The following MLPH variants were observed in gnomAD, a reference collection of about 807,000 sequenced individuals.
MLPH encodes the protein exophilin-3.
Under a neutral mutation model 72.1 loss-of-function variants are expected in MLPH, and 51 were observed. The ratio of observed to expected loss-of-function variants is 0.71; its 90% CI spans 0.56 to 0.89. MLPH has a LOEUF of 0.89. Among genes scored for constraint, MLPH ranks in the 40% least tolerant of loss-of-function variants. The pLI is 0.00. For missense variants in MLPH, 743 were observed against 759.9 expected (o/e 0.98, Z 0.26); for synonymous variants, 301 against 310.1 (o/e 0.97, Z 0.31).
intron 15 of MLPH, 130 bp downstream of exon 15, chr2:237,552,567 A>G: frequency 1.3e-6 from 1 of 767,238 alleles, no homozygotes. Flanking sequence ...CTGAGAATCA[A>G]AGCAAAAAGT....
chr2:237,534,127 C>A (rs573026161), intron 8 of MLPH, among the ~76,000 whole-genome samples: 2 of 152,292 alleles, frequency 1.3e-5, no homozygotes, highest in Admixed American at 1.3e-4. Context: ...ACCTGAAGTG[C>A]CTTGCCTCCT....
rs2079756784 is a variant in MLPH, at chr2:237,505,827, C to G, written c.111-4747C>G. ...GCCCCCTTGGCTCTGTTCTGCCCCACCAGTCACAGCTCTGGCATGCGTGTC... is the reference window on the plus strand; with the variant it reads ...GCCCCCTTGGCTCTGTTCTGCCCCAGCAGTCACAGCTCTGGCATGCGTGTC... On this transcript the variant is annotated intron_variant, in intron 2 of 15. Coordinates refer to ENST00000264605, the MANE Select transcript of MLPH (RefSeq NM_024101.7). The surrounding 1 kb of genome is among the most constrained non-coding windows in gnomAD (Gnocchi z 4.5). Among the ~76,000 whole-genome samples the G allele has an allele frequency of 1.3e-5, 2 of 152,224 alleles. No individual in the cohort carries two copies. The highest frequency in any genetic ancestry group is 4.8e-5 in the African/African-American group (2 of 41,450).
intron 9 of MLPH, among the ~76,000 whole-genome samples, chr2:237,535,005 G>A (rs964621554): frequency 1.3e-5 from 2 of 152,320 alleles, no homozygotes; most frequent in East Asian, 1.9e-4. Context: ...ATCTCCTTCC[G>A]CACCATGTTT....
chr2:237,510,941 T>C lies in MLPH; in HGVS notation c.333-48T>C, dbSNP rs762043474. The C allele has an allele frequency of 1.4e-5, 21 of 1,554,490 alleles. No homozygotes were observed. Among genetic ancestry groups the C allele is most frequent in the Admixed American group, 8.4e-5 (5 of 59,864 alleles). The stretch of plus-strand genomic sequence containing the variant: ...TGTGTGTGTGAGATTTATGCAGGCC[T>C]GTGTACAGCACTCAGGCAGTGCCAT... On this transcript the variant is annotated intron_variant, in intron 3 of 15. Transcript: ENST00000264605. This position sits in a 1 kb window ranked among gnomAD's most constrained non-coding sequence, Gnocchi z 4.4.
chr2:237,545,977 C>T (rs1267212438), intron 12 of MLPH, among the ~76,000 whole-genome samples: 1 of 152,120 alleles, frequency 6.6e-6, no homozygotes, highest in Non-Finnish European at 1.5e-5. Flanking sequence ...CTCAGAAAGT[C>T]CTAAAACTTG....
At chr2:237,545,808 A>G (rs536944502) in intron 12 of MLPH, 2 of 281,948 alleles carry the variant, frequency 7.1e-6, no homozygotes, top group African/African-American at 4.9e-5. Flanking sequence ...ATTTCAGATC[A>G]ACAACTAATA....
rs763926295 is a variant in MLPH at position 237,525,558 on chromosome 2, C to T, written c.676-43C>T. ...CCCACATTCCAGGCAGCGGCCCCTC[C>T]TAGTAAACCCTGCAGAGGAGGCTGA... On this transcript the variant is annotated intron_variant, in intron 6 of 15. Transcript: ENST00000264605. The T allele has an allele frequency of 2.5e-6, 4 of 1,602,408 alleles. No individual in the cohort carries two copies. The South Asian group carries it at 4.4e-5, about 18-fold the overall frequency.
At chr2:237,492,068 C>T (rs1460930159) in intron 1 of MLPH, among the ~76,000 whole-genome samples, 1 of 152,202 alleles carries the variant, frequency 6.6e-6, no homozygotes, top group East Asian at 1.9e-4. Context: ...TGGGTTGGAG[C>T]CTGAGAGTCT....
intron 8 of MLPH, among the ~76,000 whole-genome samples, chr2:237,533,397 T>C (rs563619731): frequency 0.014 from 2,010 of 143,180 alleles, 17 homozygotes; most frequent in Middle Eastern, 0.028. Context: ...TTTCTTTTTT[T>C]TTTTTTTTTT....
At chr2:237,533,575 T>C (rs1242479300) in intron 8 of MLPH, among the ~76,000 whole-genome samples, 1 of 152,092 alleles carries the variant, frequency 6.6e-6, no homozygotes, top group East Asian at 1.9e-4. Context: ...TGTATTTTAG[T>C]AGAGATGGCG....
At chr2:237,513,433 C>A (rs1247819931) in intron 4 of MLPH, among the ~76,000 whole-genome samples, 1 of 152,206 alleles carries the variant, frequency 6.6e-6, no homozygotes, top group African/African-American at 2.4e-5. Context: ...ACAGTGCAGA[C>A]CTCGCCTGAC....
At chr2:237,545,782 GC>G in intron 12 of MLPH, 1 of 504,840 alleles carries the variant, frequency 2.0e-6, no homozygotes, top group Non-Finnish European at 2.9e-6. Flanking sequence ...AATACAGGAT[GC>G]CCAGTTAGCT....
At chr2:237,537,487 T>A (rs1280173938) in intron 9 of MLPH, 1 of 152,176 alleles carries the variant, frequency 6.6e-6, no homozygotes, top group Non-Finnish European at 1.5e-5. Context: ...TCAGGCCCAA[T>A]GGCGTTTACA....
intron 9 of MLPH, among the ~76,000 whole-genome samples, chr2:237,539,687 T>C (rs2080625002): frequency 6.6e-6 from 1 of 152,134 alleles, no homozygotes; most frequent in Admixed American, 6.5e-5. Flanking sequence ...TTACAGAGAT[T>C]ATTGAACTGA....
intron 1 of MLPH, among the ~76,000 whole-genome samples, chr2:237,492,461 C>CT (rs1378912754): frequency 5.4e-5 from 7 of 129,024 alleles, no homozygotes; most frequent in South Asian, 5.1e-4. Context: ...GAACTCGTCT[C>CT]TAAAAAAAAA....
At chr2:237,524,682 C>T (rs560991918) in intron 6 of MLPH, among the ~76,000 whole-genome samples, 1 of 152,366 alleles carries the variant, frequency 6.6e-6, no homozygotes, top group East Asian at 1.9e-4. Context: ...CAAGTTGACA[C>T]TCATTACTAA....
intron 4 of MLPH, among the ~76,000 whole-genome samples, chr2:237,516,780 A>AATGGATGG (rs545327814): frequency 2.9e-4 from 41 of 142,772 alleles, no homozygotes; most frequent in Non-Finnish European, 3.2e-4. Flanking sequence ...GGGAGAGATG[A>AATGGATGG]ATGGATGGAT....
intron 2 of MLPH, among the ~76,000 whole-genome samples, chr2:237,503,639 C>T (rs1300760447): frequency 6.6e-6 from 1 of 152,186 alleles, no homozygotes; most frequent in African/African-American, 2.4e-5. Flanking sequence ...GTCCCCAACT[C>T]AGGGTCACCC....
At chr2:237,522,574 C>T (rs1156447256) in intron 6 of MLPH, among the ~76,000 whole-genome samples, 1 of 147,774 alleles carries the variant, frequency 6.8e-6, no homozygotes, top group African/African-American at 2.5e-5. Flanking sequence ...GACCTTGAAA[C>T]ACCTGCTACA....
Sources: gnomAD v4.1 joint callset for allele counts (sites outside exome capture counted in the v4.1 genomes callset) on GRCh38, gnomAD v4.1.1 for gene constraint, Gnocchi (gnomAD v3.1) non-coding constraint, MANE v1.5 for transcripts, NCBI Gene and HGNC (gene_info 2026-07-23, HGNC 2026-07-21) for gene names.